Variants in RAP1A observed in about 807,000 individuals in gnomAD.
The protein encoded by RAP1A is ras-related protein Rap-1A.
RAP1A carries 6 observed loss-of-function variants against 26.4 expected under a neutral mutation model. That is an observed-to-expected ratio of 0.23 (90% CI 0.12 to 0.45). The LOEUF (loss-of-function observed/expected upper bound fraction) is 0.45, where lower values mean the gene tolerates loss of function less well. RAP1A is among the 20% of genes least tolerant of loss of function. The pLI, the probability that RAP1A is intolerant of heterozygous loss-of-function variation, is 0.99. For synonymous variants in RAP1A, 73 were observed against 79.4 expected, an observed-to-expected ratio of 0.92 and a Z score of 0.43; for missense variants, 121 against 217.2, an observed-to-expected ratio of 0.56 and a Z score of 2.78.
chr1:111,688,708 A>G (rs1414127814), intron 1 of RAP1A, among the ~76,000 whole-genome samples: 1 of 150,174 alleles, frequency 6.7e-6, no homozygotes, highest in Non-Finnish European at 1.5e-5. Context: ...CTTTTCAGGA[A>G]TTTGATTATT....
intron 1 of RAP1A, among the ~76,000 whole-genome samples, chr1:111,640,343 A>G (rs1659855778): frequency 1.3e-5 from 2 of 152,222 alleles, no homozygotes; most frequent in Admixed American, 1.3e-4. Context: ...TAAAACTTCA[A>G]ATGTTTTCAT....
intron 1 of RAP1A, among the ~76,000 whole-genome samples, chr1:111,632,271 G>A (rs1659589777): frequency 2.0e-5 from 3 of 151,182 alleles, no homozygotes; most frequent in South Asian, 4.2e-4. Flanking sequence ...CAGAATAGGA[G>A]TATGAAATCT....
chr1:111,598,478 C>T (rs1463138412), intron 1 of RAP1A, among the ~76,000 whole-genome samples: 1 of 151,676 alleles, frequency 6.6e-6, no homozygotes, highest in African/African-American at 2.4e-5. Context: ...TTTTTTTGTC[C>T]CACACGCTTC....
intron 1 of RAP1A, among the ~76,000 whole-genome samples, chr1:111,589,386 C>A (rs1557859106): frequency 6.6e-6 from 1 of 152,102 alleles, no homozygotes; most frequent in Non-Finnish European, 1.5e-5. Flanking sequence ...TCAAGTCAAG[C>A]CTAGGCAACA....
intron 3 of RAP1A, 70 bp downstream of exon 3, chr1:111,695,479 T>C: frequency 8.6e-7 from 1 of 1,157,958 alleles, no homozygotes. Flanking sequence ...GATCTGTAGA[T>C]TTGCTTTTTG....
At chr1:111,660,839 T>C (rs1030776307) in intron 1 of RAP1A, among the ~76,000 whole-genome samples, 1 of 152,244 alleles carries the variant, frequency 6.6e-6, no homozygotes, top group Non-Finnish European at 1.5e-5. Context: ...AGTGCCCTAC[T>C]TGTTCCTTAT....
At chr1:111,566,670 T>G (rs1657924409) in intron 1 of RAP1A, among the ~76,000 whole-genome samples, 1 of 152,206 alleles carries the variant, frequency 6.6e-6, no homozygotes, top group South Asian at 2.1e-4. Context: ...TCATTTCCTT[T>G]GATCAGATGA....
At chr1:111,572,762 TAGGTTCGGGGGTACATGTGC>T (rs1658074533) in intron 1 of RAP1A, among the ~76,000 whole-genome samples, 1 of 152,212 alleles carries the variant, frequency 6.6e-6, no homozygotes, top group African/African-American at 2.4e-5. Context: ...ACTTTTATTT[TAGGTTCGGGGGTACATGTGC>T]AGGTTTGCTA....
At chr1:111,656,232 G>A (rs1470377055) in intron 1 of RAP1A, among the ~76,000 whole-genome samples, 1 of 151,748 alleles carries the variant, frequency 6.6e-6, no homozygotes, top group East Asian at 1.9e-4. Flanking sequence ...ATCGGCGGGG[G>A]TGGGGGTTGG....
At chr1:111,667,557 C>T (rs1046164053) in intron 1 of RAP1A, among the ~76,000 whole-genome samples, 6 of 151,972 alleles carry the variant, frequency 3.9e-5, no homozygotes, top group African/African-American at 1.2e-4. Context: ...TGGCCCGCAC[C>T]TGTAATCACA....
intron 1 of RAP1A, among the ~76,000 whole-genome samples, chr1:111,567,641 G>T (rs1448536475): frequency 6.6e-6 from 1 of 152,146 alleles, no homozygotes; most frequent in Non-Finnish European, 1.5e-5. Flanking sequence ...CTGATAGTTT[G>T]GGTGTCCTTA....
chr1:111,596,696 C>T (rs1227836519), intron 1 of RAP1A, among the ~76,000 whole-genome samples: 2 of 152,184 alleles, frequency 1.3e-5, no homozygotes, highest in African/African-American at 4.8e-5. Flanking sequence ...TGGTGGCTGG[C>T]GAGGGCCCAC....
chr1:111,695,279 T>G (rs1265962072), intron 2 of RAP1A, 62 bp from the exon 3 acceptor site: 2 of 1,225,586 alleles, frequency 1.6e-6, no homozygotes, highest in Non-Finnish European at 2.3e-6. Context: ...ATTTGTAGGT[T>G]AAGTAACATT....
chr1:111,607,558 A>C (rs1225932907), intron 1 of RAP1A, among the ~76,000 whole-genome samples: 2 of 147,706 alleles, frequency 1.4e-5, no homozygotes, highest in African/African-American at 5.0e-5. Flanking sequence ...CTGGCCGGGC[A>C]GAGGGGCTCC....
At chr1:111,695,665 G>GA (rs1661804460) in intron 3 of RAP1A, among the ~76,000 whole-genome samples, 1 of 152,124 alleles carries the variant, frequency 6.6e-6, no homozygotes, top group African/African-American at 2.4e-5. Context: ...TGCCACATAT[G>GA]AAAAAATTGC....
At chr1:111,674,301 T>TTC (rs1661060528) in intron 1 of RAP1A, among the ~76,000 whole-genome samples, 2 of 151,928 alleles carry the variant, frequency 1.3e-5, no homozygotes, top group South Asian at 4.2e-4. Flanking sequence ...TTTTTTTTTT[T>TTC]CATGGAATCA....
At chr1:111,678,726 G>A (rs1661203684) in intron 1 of RAP1A, among the ~76,000 whole-genome samples, 1 of 150,842 alleles carries the variant, frequency 6.6e-6, no homozygotes, top group Non-Finnish European at 1.5e-5. Flanking sequence ...TCTGTTGACT[G>A]AAATGTCATT....
Position 111,715,328 on chromosome 1 carries a change from T to TCCCCCCC in RAP1A, c.*2928_*2929insCCCCCCC, listed in dbSNP as rs1662509992. The TCCCCCCC allele has an allele frequency of 7.0e-6, 1 of 143,520 alleles. No individual in the cohort carries two copies. Among genetic ancestry groups the TCCCCCCC allele is most frequent in the Non-Finnish European group, 1.5e-5 (1 of 65,186 alleles). 8.9% of individuals were successfully genotyped at this position (143,520 alleles called of 1,614,324 possible). A position where few individuals can be genotyped will look rare whatever the true frequency, so the allele number is the denominator to read the frequency against. On this transcript the variant is annotated 3_prime_UTR_variant, in exon 8 of 8. Transcript: ENST00000369709. ...CCTGACTTCGTGATCCGCCCCCCCC[T>TCCCCCCC]CAGCCTCCCAAAGTGCTGGGATTAC... is the stretch of plus-strand genomic sequence containing the variant.
upstream of RAP1A, among the ~76,000 whole-genome samples, chr1:111,615,926 G>A (rs146464795): frequency 5.8e-3 from 885 of 152,160 alleles, 1 homozygote; most frequent in Non-Finnish European, 8.7e-3. Context: ...GGACTATGCA[G>A]ATAAAGAACA....
Sources: allele counts gnomAD v4.1 joint callset (sites outside exome capture counted in the v4.1 genomes callset), GRCh38; gene constraint gnomAD v4.1.1; transcripts MANE v1.5; gene names NCBI Gene and HGNC (gene_info 2026-07-23, HGNC 2026-07-21).